ESRRG: variants seen among roughly 807,000 people sequenced by gnomAD.
ESRRG encodes the protein estrogen related receptor gamma.
A neutral mutation model predicts 44.0 loss-of-function variants in ESRRG; 13 were observed. The ratio of observed to expected loss-of-function variants is 0.30; its 90% CI spans 0.19 to 0.47. The LOEUF is 0.47. ESRRG is among the 20% of genes least tolerant of loss of function. The pLI, the probability that ESRRG is intolerant of heterozygous loss-of-function variation, is 1.00. For synonymous variants in ESRRG, 215 were observed against 214.6 expected (o/e 1.00, Z -0.02); for missense variants, 395 against 580.6 (o/e 0.68, Z 3.29).
chr1:216,581,389 G>T (rs2062736239), intron 3 of ESRRG, among the ~76,000 whole-genome samples: 1 of 152,096 alleles, frequency 6.6e-6, no homozygotes, highest in Admixed American at 6.5e-5. Context: ...CATACATAGA[G>T]ATAAACATAA....
At chr1:216,944,106 A>G (rs1015812703) in intron 1 of ESRRG, among the ~76,000 whole-genome samples, 1 of 152,212 alleles carries the variant, frequency 6.6e-6, no homozygotes, top group African/African-American at 2.4e-5. Flanking sequence ...AGTGATGGGT[A>G]CAATGTAAGG....
Position 216,524,557 on chromosome 1 carries a change from A to G in ESRRG, c.863-5136T>C, listed in dbSNP as rs956961975. Among the ~76,000 whole-genome samples, 7 of 152,100 alleles carry G rather than the reference A, an allele frequency of 4.6e-5. No homozygotes were observed. In the East Asian group the frequency reaches 1.3e-3, roughly 29 times the overall value. ...TCCAGATTTCAATAATTTAGATTCAATCACAATTGGGTGAAATGTAAGAAT... is the reference window on the plus strand; with the variant it reads ...TCCAGATTTCAATAATTTAGATTCAGTCACAATTGGGTGAAATGTAAGAAT... On this transcript the variant is annotated intron_variant, in intron 5 of 6. Coordinates refer to ENST00000408911, the MANE Select transcript of ESRRG (RefSeq NM_001438.4).
At chr1:216,622,455 C>A (rs1358918262) in intron 3 of ESRRG, among the ~76,000 whole-genome samples, 2 of 152,168 alleles carry the variant, frequency 1.3e-5, no homozygotes, top group Non-Finnish European at 2.9e-5. Flanking sequence ...CTCAACTGAA[C>A]CTTCAGCCCT....
intron 5 of ESRRG, among the ~76,000 whole-genome samples, chr1:216,520,751 C>T (rs534615844): frequency 6.6e-6 from 1 of 152,240 alleles, no homozygotes; most frequent in East Asian, 1.9e-4. Context: ...AAAGGAAGGA[C>T]CATTTTTAAT....
intron 2 of ESRRG, among the ~76,000 whole-genome samples, chr1:216,906,594 C>T (rs2059710508): frequency 6.6e-6 from 1 of 152,180 alleles, no homozygotes; most frequent in Non-Finnish European, 1.5e-5. Flanking sequence ...CATTAACATC[C>T]TGGAAACAAA....
intron 3 of ESRRG, among the ~76,000 whole-genome samples, chr1:216,614,739 T>A (rs577259806): frequency 6.6e-6 from 1 of 152,316 alleles, no homozygotes; most frequent in African/African-American, 2.4e-5. Context: ...AATTGCAATG[T>A]CTCTTGGCTA....
At chr1:216,771,545 A>G (rs541461219) in intron 2 of ESRRG, among the ~76,000 whole-genome samples, 1 of 152,096 alleles carries the variant, frequency 6.6e-6, no homozygotes, top group African/African-American at 2.4e-5. Context: ...TAACTGGGAG[A>G]TGCTGACAAC....
At chr1:216,741,982 G>A (rs1205579351) in intron 2 of ESRRG, among the ~76,000 whole-genome samples, 1 of 152,012 alleles carries the variant, frequency 6.6e-6, no homozygotes, top group African/African-American at 2.4e-5. Context: ...CATTCTATAT[G>A]CCATTCTCAA....
Position 217,047,379 on chromosome 1 carries a change from C to T in ESRRG, c.-106+42128G>A, listed in dbSNP as rs559788959. Among the ~76,000 whole-genome samples the T allele has an allele frequency of 2.0e-5, 3 of 152,234 alleles. No homozygotes were observed. In the South Asian group the frequency reaches 6.2e-4, roughly 32 times the overall value. On this transcript the variant is annotated intron_variant, in intron 1 of 7. Coordinates refer to the ESRRG transcript ENST00000359162. ...CAGTGTTTTGCATCTTGGTAAATGG[C>T]ACTGTCATCCATCCATGAAACCCAG... is the stretch of plus-strand genomic sequence containing the variant.
chr1:216,919,221 T>C (rs1160191258), intron 2 of ESRRG, among the ~76,000 whole-genome samples: 2 of 152,084 alleles, frequency 1.3e-5, no homozygotes, highest in African/African-American at 4.8e-5. Context: ...TTGGCTCTGG[T>C]TTCATGCTCT....
At chr1:216,639,065 T>C (rs865977006) in intron 3 of ESRRG, among the ~76,000 whole-genome samples, 7 of 152,114 alleles carry the variant, frequency 4.6e-5, no homozygotes, top group African/African-American at 1.7e-4. Context: ...ATGATTATGA[T>C]AATGTTGATA....
chr1:216,704,965 C>T (rs1343663694), intron 1 of ESRRG, among the ~76,000 whole-genome samples: 1 of 152,140 alleles, frequency 6.6e-6, no homozygotes, highest in Non-Finnish European at 1.5e-5. Flanking sequence ...TCCACAATGA[C>T]ACTACAGCTT....
Position 216,520,465 on chromosome 1 carries a change from A to G in ESRRG, c.863-1044T>C, listed in dbSNP as rs188558073. Among the ~76,000 whole-genome samples, 804 of 152,278 alleles carry G rather than the reference A, an allele frequency of 5.3e-3. 11 individuals carry two copies. Among genetic ancestry groups the G allele is most frequent in the Middle Eastern group, 0.031 (9 of 294 alleles). Reference sequence around the variant, plus strand: ...AAACATATGCAAAAAAATTAAAAAGAAAATGTTGTTCAATAGAGAAAGAGG... The same window carrying G: ...AAACATATGCAAAAAAATTAAAAAGGAAATGTTGTTCAATAGAGAAAGAGG... On this transcript the variant is annotated intron_variant, in intron 5 of 6. Coordinates refer to ENST00000408911, the MANE Select transcript of ESRRG (RefSeq NM_001438.4).
At chr1:216,769,646 G>C (rs904346276) in intron 2 of ESRRG, among the ~76,000 whole-genome samples, 4 of 152,124 alleles carry the variant, frequency 2.6e-5, no homozygotes, top group Non-Finnish European at 1.5e-5. Flanking sequence ...AATAGAGTGA[G>C]AAAAAATGTG....
chr1:216,898,071 G>T (rs1179143585), intron 2 of ESRRG, among the ~76,000 whole-genome samples: 1 of 152,166 alleles, frequency 6.6e-6, no homozygotes, highest in African/African-American at 2.4e-5. Context: ...TAATAAAGTT[G>T]TGTCCTTAGC....
intron 2 of ESRRG, among the ~76,000 whole-genome samples, chr1:216,807,557 A>G (rs774306196): frequency 2.8e-4 from 42 of 152,156 alleles, no homozygotes; most frequent in Non-Finnish European, 5.7e-4. Context: ...TTTCTTTTGG[A>G]ATATGGGTTT....
intron 3 of ESRRG, among the ~76,000 whole-genome samples, chr1:216,646,591 A>G (rs1302943744): frequency 6.6e-6 from 1 of 152,164 alleles, no homozygotes; most frequent in Non-Finnish European, 1.5e-5. Flanking sequence ...GTCTCTGGCC[A>G]CAGTAGCTAA....
At chr1:216,569,111 A>AGGAAGGAAGGAAGGAAGGAAGAAGGAAG (rs1553355981) in intron 3 of ESRRG, among the ~76,000 whole-genome samples, 105 of 104,464 alleles carry the variant, frequency 1.0e-3, no homozygotes, top group African/African-American at 3.0e-3. Context: ...GAAGGAAGGA[A>AGGAAGGAAGGAAGGAAGGAAGAAGGAAG]GAAGGAAGGA....
chr1:216,612,872 T>TA (rs1214923611), intron 3 of ESRRG, among the ~76,000 whole-genome samples: 1 of 152,164 alleles, frequency 6.6e-6, no homozygotes, highest in Non-Finnish European at 1.5e-5. Flanking sequence ...CAAAAGCCAT[T>TA]AATGGGAATT....
Sources: allele counts gnomAD v4.1 joint callset (sites outside exome capture counted in the v4.1 genomes callset), GRCh38; gene constraint gnomAD v4.1.1; transcripts MANE v1.5; gene names NCBI Gene and HGNC (gene_info 2026-07-23, HGNC 2026-07-21).